Variants in DNAH2 observed in about 807,000 individuals in gnomAD.
The protein encoded by DNAH2 is axonemal beta dynein heavy chain 2.
In DNAH2, 323 loss-of-function variants were observed where a neutral mutation model predicts 523.5. The ratio of observed to expected loss-of-function variants is 0.62; its 90% CI spans 0.56 to 0.68. The LOEUF (loss-of-function observed/expected upper bound fraction) is 0.68, where lower values mean the gene tolerates loss of function less well. Ranked by LOEUF, DNAH2 falls within the 30% of genes least tolerant of loss-of-function variation. DNAH2 has a pLI of 0.00. For synonymous variants in DNAH2, 2,093 were observed against 2,177.4 expected, an observed-to-expected ratio of 0.96 and a Z score of 1.08; for missense variants, 4,907 against 5,701.5, an observed-to-expected ratio of 0.86 and a Z score of 4.49.
intron 39 of DNAH2, among the ~76,000 whole-genome samples, chr17:7,784,987 C>G (rs1349698426): frequency 6.6e-6 from 1 of 152,010 alleles, no homozygotes; most frequent in Non-Finnish European, 1.5e-5. Flanking sequence ...TAAAGAGATG[C>G]ATTTGAATGC....
rs2075277405 is a variant in DNAH2 at position 7,740,451 on chromosome 17, A to C, written c.1408A>C (p.Met470Leu). The C allele has an allele frequency of 1.2e-6, 2 of 1,614,028 alleles. No homozygotes were observed. Among genetic ancestry groups the C allele is most frequent in the Non-Finnish European group, 1.7e-6 (2 of 1,180,010 alleles). ...TGCCGGAATCAAGGACCTGGAGGTG[A>C]TGACCCAGAACCTGATCACCTCAGC... The part of the protein sequence containing the change: ...FRAGIKDLEV[M>L]TQNLITSAFE... Residue 470 changes from methionine (M) to leucine (L), a missense_variant, in exon 10 of 86, where the codon ATG becomes CTG. Transcript: ENST00000572933.
intron 24 of DNAH2, 81 bp downstream of exon 24, chr17:7,768,348 C>G: frequency 7.2e-7 from 1 of 1,391,478 alleles, no homozygotes; most frequent in South Asian, 1.2e-5. Context: ...ATTCTCCTCT[C>G]CGCAGTGTTC....
At position 7,780,504 on chromosome 17, in the gene DNAH2, A is replaced by G; in HGVS notation, c.5851-126A>G. The G allele has an allele frequency of 6.9e-7, 1 of 1,440,158 alleles. No homozygotes were observed. Among genetic ancestry groups the G allele is most frequent in the Non-Finnish European group, 9.5e-7 (1 of 1,053,860 alleles). 89.2% of individuals were successfully genotyped at this position (1,440,158 alleles called of 1,614,324 possible). ...TCATTCACACAATTTCCTCAGGAGA[A>G]TCCATAGAGTGCCTCCTAGCTGCTT... On this transcript the variant is annotated intron_variant, in intron 37 of 85. Coordinates refer to ENST00000572933, the MANE Select transcript of DNAH2 (RefSeq NM_020877.5). This position sits in a 1 kb window ranked among gnomAD's most constrained non-coding sequence, Gnocchi z 4.4.
rs1486849993 is a variant in DNAH2, at chr17:7,774,735, GTCATTCATCGCTCT to G, written c.4502-21_4502-8del. On this transcript the variant is annotated splice_polypyrimidine_tract_variant and intron_variant, in intron 28 of 85. Coordinates refer to ENST00000572933, the MANE Select transcript of DNAH2 (RefSeq NM_020877.5). ...CCAGGGCAGTGGAAATGAATCAAAT[GTCATTCATCGCTCT>G]TCTTCCCAGGCCTCCTGGACACATT... 1 of 1,599,536 alleles carries G rather than the reference GTCATTCATCGCTCT, an allele frequency of 6.3e-7. No individual in the cohort carries two copies.
At position 7,821,412 on chromosome 17, in the gene DNAH2, G is replaced by T; in HGVS notation, c.11142+43G>T. The T allele has an allele frequency of 6.3e-7, 1 of 1,592,084 alleles. No individual in the cohort carries two copies. Among genetic ancestry groups the T allele is most frequent in the Non-Finnish European group, 8.6e-7 (1 of 1,167,226 alleles). On this transcript the variant is annotated intron_variant, in intron 73 of 85. Transcript: ENST00000572933. The surrounding 1 kb of genome is among the most constrained non-coding windows in gnomAD (Gnocchi z 5.0). Reference sequence around the variant, plus strand: ...CACATCCCAGGATGGGATGGTCAAGGTTGGGGATGAGGGCAAGTGTGACAA... The same window carrying T: ...CACATCCCAGGATGGGATGGTCAAGTTTGGGGATGAGGGCAAGTGTGACAA...
chr17:7,760,954 A>G lies in DNAH2; in HGVS notation c.2978+22A>G. ...CCCGGTGAGTGGTGAGGGTGGATTG[A>G]AAGTCTGTCTGTAGGAGGCACAGCA... is the stretch of plus-strand genomic sequence containing the variant. On this transcript the variant is annotated intron_variant, in intron 18 of 85. Coordinates refer to ENST00000572933, the MANE Select transcript of DNAH2 (RefSeq NM_020877.5). This position sits in a 1 kb window ranked among gnomAD's most constrained non-coding sequence, Gnocchi z 4.0. 1 of 1,603,070 alleles carries G rather than the reference A, an allele frequency of 6.2e-7. No homozygotes were observed. Among genetic ancestry groups the G allele is most frequent in the Non-Finnish European group, 8.5e-7 (1 of 1,170,224 alleles).
In DNAH2 at chr17:7,798,206, G is replaced by A. The variant is rs758982303; in HGVS notation, c.8280G>A (p.Leu2760=). The change falls in exon 54 of 86, where the codon CTG becomes CTA. Residue 2760 remains leucine (L), a synonymous_variant. Transcript: ENST00000572933. The surrounding 1 kb of genome is among the most constrained non-coding windows in gnomAD (Gnocchi z 5.5). ...VIGQPRGNML[L]VGIGGSGRQS... ...GACAGCCTCGGGGCAACATGCTCCT[G>A]GTGGGTATCGGGGGCAGCGGACGCC... is the stretch of plus-strand genomic sequence containing the variant. 3 of 1,612,854 alleles carry A rather than the reference G, an allele frequency of 1.9e-6. No homozygotes were observed. The highest frequency in any genetic ancestry group is 2.2e-5 in the East Asian group (1 of 44,852).
intron 12 of DNAH2, chr17:7,743,581 G>T (rs1473112619): frequency 5.4e-6 from 3 of 556,384 alleles, no homozygotes; most frequent in Admixed American, 6.4e-5. Context: ...TGGGAGGATC[G>T]CCTGAGCCCG....
chr17:7,786,929 G>A lies in DNAH2; in HGVS notation c.6499G>A (p.Asp2167Asn), dbSNP rs754974376. 2.5e-6 allele frequency: 4 copies of A among 1,614,166 alleles called. No individual in the cohort carries two copies. The highest frequency in any genetic ancestry group is 1.6e-4 in the Middle Eastern group (1 of 6,062). The change falls in exon 42 of 86, where the codon GAT becomes AAT. Residue 2167 changes from aspartate to asparagine, a missense_variant. This residue lies in a region of DNAH2 where 2,806 missense variants were observed against 3,190.8 expected (regional missense o/e 0.88). Transcript: ENST00000572933. This position sits in a 1 kb window ranked among gnomAD's most constrained non-coding sequence, Gnocchi z 7.5. ...EKPDEKWILF[D>N]GPVDTLWIEN... ...ACCCGACGAGAAGTGGATCCTGTTC[G>A]ATGGCCCCGTGGACACACTGTGGAT...
chr17:7,755,549 A>T (rs1330040356), intron 12 of DNAH2, among the ~76,000 whole-genome samples: 1 of 152,060 alleles, frequency 6.6e-6, no homozygotes, highest in Non-Finnish European at 1.5e-5. Context: ...AGGAAGAAAA[A>T]CCAGGGGTCA....
intron 77 of DNAH2, among the ~76,000 whole-genome samples, chr17:7,825,190 C>T (rs1400461731): frequency 1.3e-5 from 2 of 152,184 alleles, no homozygotes; most frequent in Admixed American, 1.3e-4. Flanking sequence ...CCTTTCCTTT[C>T]CTCCGACTCT....
intron 12 of DNAH2, 125 bp downstream of exon 12, chr17:7,743,267 T>C: frequency 1.8e-6 from 2 of 1,088,848 alleles, no homozygotes; most frequent in Non-Finnish European, 2.7e-6. Flanking sequence ...ATGTTTGCTA[T>C]CGTCATTTTA....
Position 7,754,411 on chromosome 17 carries a change from A to G in DNAH2, c.1905-2680A>G. The G allele has an allele frequency of 1.6e-6, 1 of 641,562 alleles. No individual in the cohort carries two copies. The highest frequency in any genetic ancestry group is 2.4e-5 in the Admixed American group (1 of 41,822). The allele number at this position is 641,562 out of a possible 1,614,324, so 39.7% of individuals were successfully genotyped here. ...GTGCAGACATGGCCAAGTCCACACC[A>G]TACACCACCAGTCCCGAAAATGGCA... On this transcript the variant is annotated intron_variant, in intron 12 of 85. Transcript: ENST00000572933. The surrounding 1 kb of genome is among the most constrained non-coding windows in gnomAD (Gnocchi z 4.6).
At chr17:7,829,173 C>T (rs1432937059) in intron 77 of DNAH2, among the ~76,000 whole-genome samples, 1 of 152,252 alleles carries the variant, frequency 6.6e-6, no homozygotes, top group East Asian at 1.9e-4. Context: ...TGTCACCACG[C>T]CTGGCTAATT....
rs76369172 is a variant in DNAH2, at chr17:7,803,412, T to C, written c.8973-844T>C. Among the ~76,000 whole-genome samples, 93 of 152,336 alleles carry C rather than the reference T, an allele frequency of 6.1e-4. 3 individuals carry two copies. In the East Asian group the frequency reaches 0.017, roughly 27 times the overall value. ...AAGGCTGGGCACGGTGACTCACGCCTGTAATCCCAGCACTTTGGGAGGCCA... is the reference window on the plus strand; with the variant it reads ...AAGGCTGGGCACGGTGACTCACGCCCGTAATCCCAGCACTTTGGGAGGCCA... On this transcript the variant is annotated intron_variant, in intron 58 of 85. Transcript: ENST00000572933.
At chr17:7,779,496 C>A in intron 36 of DNAH2, 73 bp downstream of exon 36, 3 of 1,451,758 alleles carry the variant, frequency 2.1e-6, no homozygotes, top group South Asian at 1.3e-5. Flanking sequence ...ACTGCGCATC[C>A]TCCTCTTCCC....
chr17:7,823,692 C>T, intron 74 of DNAH2, 64 bp downstream of exon 74: 1 of 1,589,762 alleles, frequency 6.3e-7, no homozygotes, highest in Non-Finnish European at 8.6e-7. Context: ...CATGCCGGCC[C>T]TTCCCATTGT....
intron 52 of DNAH2, 62 bp downstream of exon 52, chr17:7,797,592 G>A: frequency 6.2e-7 from 1 of 1,613,996 alleles, no homozygotes; most frequent in Non-Finnish European, 8.5e-7. Flanking sequence ...GCTAGAAGGA[G>A]TCAGGGCATG....
In DNAH2 at chr17:7,766,430, C is replaced by T; in HGVS notation, c.3624C>T (p.Gly1208=). The change falls in exon 22 of 86, where the codon GGC becomes GGT. Residue 1208 remains glycine (G), a synonymous_variant. Coordinates refer to ENST00000572933, the MANE Select transcript of DNAH2 (RefSeq NM_020877.5). The part of the protein sequence containing the change: ...EEENSLRANL[G]IFKIEQPPSK... ...AAAATAGTCTCCGAGCCAACCTGGG[C>T]ATCTTCAAGATCGAGCAGCCACCCT... 2 of 1,614,004 alleles carry T rather than the reference C, an allele frequency of 1.2e-6. No individual in the cohort carries two copies. Among genetic ancestry groups the T allele is most frequent in the South Asian group, 1.1e-5 (1 of 91,082 alleles).
Sources: gnomAD v4.1 joint callset for allele counts (sites outside exome capture counted in the v4.1 genomes callset) on GRCh38, gnomAD v4.1.1 for gene constraint, gnomAD v4.1.1 regional missense constraint, Gnocchi (gnomAD v3.1) non-coding constraint, MANE v1.5 for transcripts, NCBI Gene and HGNC (gene_info 2026-07-23, HGNC 2026-07-21) for gene names.